Variants in NR3C2 observed in about 807,000 individuals in gnomAD.
NR3C2 encodes the protein mineralocorticoid receptor.
Under a neutral mutation model 86.4 loss-of-function variants are expected in NR3C2, and 15 were observed. The observed-to-expected ratio is 0.17, with a 90% confidence interval of 0.12 to 0.27. The LOEUF (loss-of-function observed/expected upper bound fraction) is 0.27, where lower values mean the gene tolerates loss of function less well. NR3C2 is among the 10% of genes least tolerant of loss of function. NR3C2 has a pLI of 1.00. For synonymous variants in NR3C2, 458 were observed against 450.5 expected (o/e 1.02, Z -0.21); for missense variants, 960 against 1,195.6 (o/e 0.80, Z 2.91).
chr4:148,114,172 G>A lies in NR3C2; in HGVS notation c.2731C>T (p.Pro911Ser). ...KELRKMVTKCPNNSGQSWQRF... is the reference protein window; with the variant it reads ...KELRKMVTKCSNNSGQSWQRF... ...TGCCAGCTCTGCCCAGAATTGTTGG[G>A]ACACTTAGTTACCATCTTCCTCAGT... is the stretch of plus-strand genomic sequence containing the variant. Residue 911 changes from proline (P) to serine (S), a missense_variant, in exon 8 of 9, where the codon CCC (proline) becomes TCC (serine). This residue lies in a region of NR3C2 where 151 missense variants were observed against 296.3 expected (regional missense o/e 0.51). Coordinates refer to ENST00000358102, the MANE Select transcript of NR3C2 (RefSeq NM_000901.5). 1 of 1,613,846 alleles carries A rather than the reference G, an allele frequency of 6.2e-7. No homozygotes were observed. The highest frequency in any genetic ancestry group is 8.5e-7 in the Non-Finnish European group (1 of 1,179,940).
chr4:148,269,649 C>A (rs1740573400), intron 2 of NR3C2, among the ~76,000 whole-genome samples: 1 of 151,972 alleles, frequency 6.6e-6, no homozygotes, highest in South Asian at 2.1e-4. Context: ...AAAAACCCCC[C>A]CAAAAAAACA....
chr4:148,198,246 G>A (rs1181025472), intron 3 of NR3C2, among the ~76,000 whole-genome samples: 1 of 152,092 alleles, frequency 6.6e-6, no homozygotes, highest in Non-Finnish European at 1.5e-5. Flanking sequence ...GCTTTTAACT[G>A]TAGAATAATT....
At chr4:148,143,039 G>A (rs1733688285) in intron 6 of NR3C2, among the ~76,000 whole-genome samples, 1 of 152,156 alleles carries the variant, frequency 6.6e-6, no homozygotes, top group African/African-American at 2.4e-5. Context: ...GTAGAACCAT[G>A]AGCCAATTAA....
At chr4:148,218,150 G>A (rs771399512) in intron 3 of NR3C2, among the ~76,000 whole-genome samples, 98 of 152,340 alleles carry the variant, frequency 6.4e-4, no homozygotes, top group Middle Eastern at 3.4e-3. Context: ...TGTTAAGGCT[G>A]TGAATTTGCT....
Position 148,171,639 on chromosome 4 carries a change from C to A in NR3C2, c.2015-16738G>T, listed in dbSNP as rs143573025. On this transcript the variant is annotated intron_variant, in intron 4 of 8. Transcript: ENST00000358102. ...ATGTGGCTGCTGATCTGACAGAAGGCGGCACTTGCCCATCACTCACCTCCT... is the reference window on the plus strand; with the variant it reads ...ATGTGGCTGCTGATCTGACAGAAGGAGGCACTTGCCCATCACTCACCTCCT... Among the ~76,000 whole-genome samples, 557 of 152,312 alleles carry A rather than the reference C, an allele frequency of 3.7e-3. 5 individuals are homozygous for A. Among genetic ancestry groups the A allele is most frequent in the African/African-American group, 0.013 (538 of 41,560 alleles).
intron 2 of NR3C2, among the ~76,000 whole-genome samples, chr4:148,349,859 C>G (rs537733051): frequency 2.9e-4 from 44 of 152,160 alleles, no homozygotes; most frequent in African/African-American, 1.0e-3. Context: ...TCAAATAACA[C>G]TACAGTTTAC....
At chr4:148,164,145 GCA>G (rs1460166196) in intron 4 of NR3C2, among the ~76,000 whole-genome samples, 2 of 152,134 alleles carry the variant, frequency 1.3e-5, no homozygotes, top group Non-Finnish European at 2.9e-5. Flanking sequence ...TCCCTGGGCA[GCA>G]CAGTCAACTT....
At chr4:148,268,637 C>A (rs1740517097) in intron 2 of NR3C2, among the ~76,000 whole-genome samples, 1 of 152,076 alleles carries the variant, frequency 6.6e-6, no homozygotes, top group South Asian at 2.1e-4. Flanking sequence ...AAAATTGGAG[C>A]TGGGTCAAGA....
At chr4:148,344,073 C>G (rs546639908) in intron 2 of NR3C2, among the ~76,000 whole-genome samples, 1 of 152,228 alleles carries the variant, frequency 6.6e-6, no homozygotes, top group African/African-American at 2.4e-5. Flanking sequence ...ATGTTTTATT[C>G]AAAATGTAAA....
At chr4:148,123,147 T>C (rs184083301) in intron 6 of NR3C2, among the ~76,000 whole-genome samples, 1 of 152,082 alleles carries the variant, frequency 6.6e-6, no homozygotes, top group East Asian at 1.9e-4. Flanking sequence ...GTATGTCTTA[T>C]GCGGTTGAGA....
chr4:148,342,087 G>A (rs972371432), intron 2 of NR3C2, among the ~76,000 whole-genome samples: 1 of 152,122 alleles, frequency 6.6e-6, no homozygotes, highest in African/African-American at 2.4e-5. Context: ...GGATGAGGGA[G>A]GGGTTGCTGA....
At chr4:148,394,420 C>T (rs1747751553) in intron 2 of NR3C2, among the ~76,000 whole-genome samples, 1 of 151,628 alleles carries the variant, frequency 6.6e-6, no homozygotes, top group South Asian at 2.1e-4. Context: ...TAACTCATGC[C>T]TATAATCCCA....
intron 3 of NR3C2, among the ~76,000 whole-genome samples, chr4:148,214,687 G>A (rs1004493453): frequency 3.3e-5 from 5 of 152,128 alleles, no homozygotes; most frequent in East Asian, 1.9e-4. Context: ...GAGCCTGCAC[G>A]CCCTGGCTCA....
Position 148,233,672 on chromosome 4 carries a change from G to C in NR3C2, c.1897+26306C>G, listed in dbSNP as rs570527880. On this transcript the variant is annotated intron_variant, in intron 3 of 8. Coordinates refer to ENST00000358102, the MANE Select transcript of NR3C2 (RefSeq NM_000901.5). Reference sequence around the variant, plus strand: ...TCAATATGTTGTGTCTCAGGGAACAGCAACGTCTGAGGAGAGGAAGAGAGA... The same window carrying C: ...TCAATATGTTGTGTCTCAGGGAACACCAACGTCTGAGGAGAGGAAGAGAGA... 2.6e-5 allele frequency among the ~76,000 whole-genome samples: 4 copies of C among 152,226 alleles called. No individual in the cohort carries two copies. In the East Asian group the frequency reaches 7.7e-4, roughly 29 times the overall value.
chr4:148,309,533 C>A (rs1742805005), intron 2 of NR3C2, among the ~76,000 whole-genome samples: 2 of 151,494 alleles, frequency 1.3e-5, no homozygotes, highest in Admixed American at 1.3e-4. Flanking sequence ...GACACACATG[C>A]ACATGGATAA....
intron 2 of NR3C2, among the ~76,000 whole-genome samples, chr4:148,343,464 G>C (rs966062296): frequency 4.2e-5 from 6 of 144,078 alleles, no homozygotes; most frequent in African/African-American, 1.6e-4. Context: ...TTAGAATACT[G>C]GTTAACCTGT....
At chr4:148,356,940 G>A (rs997249787) in intron 2 of NR3C2, among the ~76,000 whole-genome samples, 19 of 139,138 alleles carry the variant, frequency 1.4e-4, no homozygotes, top group African/African-American at 2.4e-4. Context: ...TGTGTGTTAC[G>A]GGATGCTTTT....
intron 4 of NR3C2, among the ~76,000 whole-genome samples, chr4:148,163,960 T>C (rs1420244961): frequency 6.6e-6 from 1 of 152,190 alleles, no homozygotes; most frequent in African/African-American, 2.4e-5. Flanking sequence ...AGACAACATC[T>C]AATGACATCT....
rs1578931732 is a variant in NR3C2 at position 148,142,057 on chromosome 4, G to A, written c.2510+10412C>T. ...GGGAGGGAGAAGGGAAGTATTAGGA[G>A]CAAGGGCACAGCAGTAGAAAGACCT... On this transcript the variant is annotated intron_variant, in intron 6 of 8. Transcript: ENST00000358102. Among the ~76,000 whole-genome samples the A allele has an allele frequency of 3.9e-5, 6 of 152,310 alleles. No individual in the cohort carries two copies. In the East Asian group the frequency reaches 1.2e-3, roughly 29 times the overall value.
Sources: gnomAD v4.1 joint callset for allele counts (sites outside exome capture counted in the v4.1 genomes callset) on GRCh38, gnomAD v4.1.1 for gene constraint, gnomAD v4.1.1 regional missense constraint, MANE v1.5 for transcripts, NCBI Gene and HGNC (gene_info 2026-07-23, HGNC 2026-07-21) for gene names.